Variants in TEC observed in about 807,000 individuals in gnomAD.
TEC encodes tyrosine-protein kinase Tec.
TEC carries 72 observed loss-of-function variants against 93.0 expected under a neutral mutation model. That is an observed-to-expected ratio of 0.77 (90% CI 0.64 to 0.94). The LOEUF (loss-of-function observed/expected upper bound fraction) is 0.94, where lower values mean the gene tolerates loss of function less well. TEC is among the 40% of genes least tolerant of loss of function. TEC has a pLI of 0.00. For synonymous variants in TEC, 249 were observed against 247.7 expected, an observed-to-expected ratio of 1.01 and a Z score of -0.05; for missense variants, 630 against 757.9, an observed-to-expected ratio of 0.83 and a Z score of 1.98.
At chr4:48,139,941 T>C (rs1189338316) in intron 15 of TEC, among the ~76,000 whole-genome samples, 1 of 152,194 alleles carries the variant, frequency 6.6e-6, no homozygotes, top group Non-Finnish European at 1.5e-5. Flanking sequence ...TGTCAGCCAG[T>C]GGAGTCTGAA....
intron 7 of TEC, among the ~76,000 whole-genome samples, chr4:48,165,047 T>C (rs1720826925): frequency 6.6e-6 from 1 of 151,936 alleles, no homozygotes; most frequent in Non-Finnish European, 1.5e-5. Flanking sequence ...AAGAAAAATG[T>C]CAAATTGTAA....
chr4:48,233,502 T>A (rs1359554981), intron 1 of TEC, among the ~76,000 whole-genome samples: 1 of 150,722 alleles, frequency 6.6e-6, no homozygotes, highest in Non-Finnish European at 1.5e-5. Flanking sequence ...AAAGTCCCAC[T>A]CTGATAAATG....
chr4:48,248,050 A>G (rs1724106096), intron 1 of TEC, among the ~76,000 whole-genome samples: 1 of 152,220 alleles, frequency 6.6e-6, no homozygotes, highest in Non-Finnish European at 1.5e-5. Flanking sequence ...GAACACAGTC[A>G]ATTAGCCTTG....
At chr4:48,200,460 A>G (rs1021375449) in intron 2 of TEC, among the ~76,000 whole-genome samples, 1 of 152,242 alleles carries the variant, frequency 6.6e-6, no homozygotes, top group Admixed American at 6.5e-5. Flanking sequence ...AAGATCACTC[A>G]GCCATTGGGT....
intron 1 of TEC, among the ~76,000 whole-genome samples, chr4:48,255,436 A>G (rs1724317319): frequency 6.6e-6 from 1 of 152,178 alleles, no homozygotes; most frequent in South Asian, 2.1e-4. Flanking sequence ...GCTGAATCAC[A>G]TGATCATCCC....
rs527455239 is a variant in TEC, at chr4:48,228,753, C to T, written c.-45-94G>A. 85 of 1,096,352 alleles carry T rather than the reference C, an allele frequency of 7.8e-5. 4 individuals carry two copies. The South Asian group carries it at 1.3e-3, about 16-fold the overall frequency. The allele number at this position is 1,096,352 out of a possible 1,614,324, so 67.9% of individuals were successfully genotyped here. ...ACCAAAATCAGCTTCACCCTCACCC[C>T]TGCTGGAGCAGATGAGTATTGATCT... On this transcript the variant is annotated intron_variant, in intron 1 of 17. Transcript: ENST00000381501.
chr4:48,149,713 T>C lies in TEC; in HGVS notation c.873-23A>G, dbSNP rs753265176. Reference sequence around the variant, plus strand: ...TCTCTAGAACAAAAATCAAAATGTGTCAGAACCAAGTTGAAATAATAGAAC... The same window carrying C: ...TCTCTAGAACAAAAATCAAAATGTGCCAGAACCAAGTTGAAATAATAGAAC... On this transcript the variant is annotated intron_variant, in intron 10 of 17. Transcript: ENST00000381501. The C allele has an allele frequency of 3.8e-6, 6 of 1,584,976 alleles. No homozygotes were observed. In the South Asian group the frequency reaches 7.0e-5, roughly 19 times the overall value.
At chr4:48,265,444 CG>C (rs1373743926) in intron 1 of TEC, among the ~76,000 whole-genome samples, 2 of 27,712 alleles carry the variant, frequency 7.2e-5, no homozygotes, top group Non-Finnish European at 2.3e-4. Flanking sequence ...CACATATATA[CG>C]TATATATATA....
At chr4:48,236,339 T>C (rs1405274668) in intron 1 of TEC, among the ~76,000 whole-genome samples, 1 of 152,136 alleles carries the variant, frequency 6.6e-6, no homozygotes, top group East Asian at 1.9e-4. Flanking sequence ...TGGAGTGCAG[T>C]GGCGCAATCT....
At chr4:48,245,820 T>C (rs547356777) in intron 1 of TEC, among the ~76,000 whole-genome samples, 1 of 152,108 alleles carries the variant, frequency 6.6e-6, no homozygotes, top group Non-Finnish European at 1.5e-5. Context: ...ATTAAAAACA[T>C]TTACTTTGGG....
intron 1 of TEC, among the ~76,000 whole-genome samples, chr4:48,233,918 A>G (rs1038731238): frequency 6.6e-6 from 1 of 152,148 alleles, no homozygotes; most frequent in African/African-American, 2.4e-5. Flanking sequence ...GAGAAAGCAA[A>G]GAAAACAGAA....
At chr4:48,255,055 C>T (rs1724304409) in intron 1 of TEC, among the ~76,000 whole-genome samples, 1 of 152,224 alleles carries the variant, frequency 6.6e-6, no homozygotes, top group African/African-American at 2.4e-5. Context: ...CCGGTATAAG[C>T]AGGGTTCTTT....
intron 2 of TEC, among the ~76,000 whole-genome samples, chr4:48,202,638 T>C (rs1722570780): frequency 6.6e-6 from 1 of 152,216 alleles, no homozygotes; most frequent in Non-Finnish European, 1.5e-5. Flanking sequence ...CATATGCCAG[T>C]TTTGCTTTAA....
At chr4:48,170,423 T>C (rs778099803) in intron 4 of TEC, 47 bp from the exon 5 acceptor site, 6 of 1,222,700 alleles carry the variant, frequency 4.9e-6, no homozygotes, top group African/African-American at 3.1e-5. Flanking sequence ...CAAAAGCAAC[T>C]ACAGAATGTT....
At chr4:48,197,057 A>G (rs1722322841) in intron 2 of TEC, among the ~76,000 whole-genome samples, 1 of 152,254 alleles carries the variant, frequency 6.6e-6, no homozygotes, top group Non-Finnish European at 1.5e-5. Flanking sequence ...TTCAAAGCAC[A>G]AGAGTAATGT....
intron 9 of TEC, among the ~76,000 whole-genome samples, chr4:48,154,816 T>C (rs1185059882): frequency 2.6e-5 from 4 of 152,152 alleles, no homozygotes; most frequent in South Asian, 2.1e-4. Flanking sequence ...TACAACACTA[T>C]TGAAGGTTGT....
intron 8 of TEC, 149 bp from the exon 9 acceptor site, chr4:48,156,883 AT>A: frequency 1.6e-6 from 1 of 617,670 alleles, no homozygotes; most frequent in Non-Finnish European, 2.6e-6. Flanking sequence ...TAGACAACTA[AT>A]AATTTTGATG....
chr4:48,222,897 T>TAC (rs1340732241), intron 2 of TEC, among the ~76,000 whole-genome samples: 4 of 152,036 alleles, frequency 2.6e-5, no homozygotes, highest in Non-Finnish European at 5.9e-5. Flanking sequence ...TTTATGTACA[T>TAC]ACATACACAC....
intron 1 of TEC, among the ~76,000 whole-genome samples, chr4:48,243,102 G>T (rs1156865375): frequency 6.6e-6 from 1 of 151,968 alleles, no homozygotes; most frequent in African/African-American, 2.4e-5. Context: ...TATATTAAAA[G>T]ACCCAATTTT....
Sources: allele counts gnomAD v4.1 joint callset (sites outside exome capture counted in the v4.1 genomes callset), GRCh38; gene constraint gnomAD v4.1.1; transcripts MANE v1.5; gene names NCBI Gene and HGNC (gene_info 2026-07-23, HGNC 2026-07-21).